The following CCDC88A variants were observed in gnomAD, a reference collection of about 807,000 sequenced individuals.
CCDC88A encodes the protein girdin.
Under a neutral mutation model 234.3 loss-of-function variants are expected in CCDC88A, and 54 were observed. The observed-to-expected ratio is 0.23, with a 90% CI of 0.19 to 0.29. The LOEUF (loss-of-function observed/expected upper bound fraction) is 0.29, where lower values mean the gene tolerates loss of function less well. CCDC88A is among the 10% of genes least tolerant of loss of function. The pLI, the probability that CCDC88A is intolerant of heterozygous loss-of-function variation, is 1.00. For synonymous variants in CCDC88A, 753 were observed against 737.8 expected (o/e 1.02, Z -0.33); for missense variants, 1,832 against 2,123.4 (o/e 0.86, Z 2.70).
At chr2:55,336,883 C>A in intron 13 of CCDC88A, 65 bp from the exon 14 acceptor site, 2 of 1,013,264 alleles carry the variant, frequency 2.0e-6, no homozygotes, top group Non-Finnish European at 1.5e-6. Context: ...CATGTCAAAA[C>A]AAAACATAAT....
intron 3 of CCDC88A, among the ~76,000 whole-genome samples, chr2:55,387,176 C>CAA (rs869311337): frequency 0.064 from 4,472 of 69,676 alleles, 422 homozygotes; most frequent in African/African-American, 0.093. Flanking sequence ...GATTCCATCT[C>CAA]AAAAAAAAAA....
At chr2:55,392,710 T>G (rs1189140579) in intron 2 of CCDC88A, among the ~76,000 whole-genome samples, 1 of 152,254 alleles carries the variant, frequency 6.6e-6, no homozygotes, top group Admixed American at 6.5e-5. Context: ...TGTCTACTGG[T>G]GCTCTTGAAG....
intron 2 of CCDC88A, among the ~76,000 whole-genome samples, chr2:55,395,647 G>A (rs1677400927): frequency 6.6e-6 from 1 of 152,176 alleles, no homozygotes; most frequent in Non-Finnish European, 1.5e-5. Flanking sequence ...TCTATCGAAA[G>A]TTACGAGCTG....
intron 17 of CCDC88A, among the ~76,000 whole-genome samples, chr2:55,325,701 A>C (rs1207197528): frequency 2.0e-5 from 3 of 152,226 alleles, no homozygotes; most frequent in Non-Finnish European, 4.4e-5. Flanking sequence ...TTATTGAGAG[A>C]TGAGTATTGA....
chr2:55,408,879 C>T (rs1019335517), intron 2 of CCDC88A, among the ~76,000 whole-genome samples: 2 of 152,138 alleles, frequency 1.3e-5, no homozygotes, highest in Admixed American at 6.5e-5. Flanking sequence ...TAAGTTCCTC[C>T]TGATACTTGC....
chr2:55,339,991 T>G (rs1668276966), intron 12 of CCDC88A: 1 of 162,932 alleles, frequency 6.1e-6, no homozygotes, highest in African/African-American at 2.4e-5. Flanking sequence ...CCAGCTAATT[T>G]TTTTATTTTT....
chr2:55,327,851 G>C (rs1684457636), intron 17 of CCDC88A, among the ~76,000 whole-genome samples: 1 of 152,160 alleles, frequency 6.6e-6, no homozygotes, highest in Non-Finnish European at 1.5e-5. Flanking sequence ...ATCTAGAAAA[G>C]ACATCAAATT....
chr2:55,318,539 G>A lies in CCDC88A; in HGVS notation c.3324+304C>T, dbSNP rs78923213. Among the ~76,000 whole-genome samples, 450 of 152,154 alleles carry A rather than the reference G, an allele frequency of 3.0e-3. 3 individuals carry two copies. Among genetic ancestry groups the A allele is most frequent in the African/African-American group, 9.1e-3 (379 of 41,538 alleles). On this transcript the variant is annotated intron_variant, in intron 19 of 32. Transcript: ENST00000436346. Reference sequence around the variant, plus strand: ...AAAAAAAGCTATACAAATGAAATAAGGAATAGTATGCTGCAAGCATACTCT... The same window carrying A: ...AAAAAAAGCTATACAAATGAAATAAAGAATAGTATGCTGCAAGCATACTCT...
intron 3 of CCDC88A, among the ~76,000 whole-genome samples, chr2:55,377,039 G>A (rs924372827): frequency 6.6e-6 from 1 of 151,900 alleles, no homozygotes; most frequent in Non-Finnish European, 1.5e-5. Flanking sequence ...TCACCATCTT[G>A]GCCAGGCTGG....
Position 55,374,816 on chromosome 2 carries a change from GA to G in CCDC88A, c.340del (p.Ser114LeufsTer35). ...CACAGCTTAATTTTAATACTTACCAGAAAAGGGATTTTTGCCAATGATTAAG... is the reference window on the plus strand; with the variant it reads ...CACAGCTTAATTTTAATACTTACCAGAAAGGGATTTTTGCCAATGATTAAG... ...NVLIIGKNPF[S>X]EQGTEEVKKL... On this transcript the variant is annotated frameshift_variant, in exon 4 of 33. Coordinates refer to ENST00000436346, the MANE Select transcript of CCDC88A (RefSeq NM_001365480.1). LOFTEE classifies it high-confidence loss of function. 6.3e-7 allele frequency: 1 copy of G among 1,591,760 alleles called. No individual in the cohort carries two copies. Among genetic ancestry groups the G allele is most frequent in the Non-Finnish European group, 8.6e-7 (1 of 1,161,028 alleles).
intron 5 of CCDC88A, among the ~76,000 whole-genome samples, chr2:55,369,652 T>C (rs916878736): frequency 6.6e-6 from 1 of 151,962 alleles, no homozygotes; most frequent in Non-Finnish European, 1.5e-5. Context: ...GAGACAACGT[T>C]TTACCATGTA....
At chr2:55,395,642 C>G (rs1355007398) in intron 2 of CCDC88A, among the ~76,000 whole-genome samples, 1 of 152,158 alleles carries the variant, frequency 6.6e-6, no homozygotes, top group East Asian at 1.9e-4. Context: ...TGCTTTCTAT[C>G]GAAAGTTACG....
chr2:55,290,397 A>T lies in CCDC88A; in HGVS notation c.*803T>A, dbSNP rs1679367036. The T allele has an allele frequency of 6.6e-6, 1 of 152,118 alleles. No homozygotes were observed. Among genetic ancestry groups the T allele is most frequent in the African/African-American group, 2.4e-5 (1 of 41,466 alleles). 9.4% of individuals were successfully genotyped at this position (152,118 alleles called of 1,614,324 possible). A position where few individuals can be genotyped will look rare whatever the true frequency, so the allele number is the denominator to read the frequency against. On this transcript the variant is annotated 3_prime_UTR_variant, in exon 33 of 33. Transcript: ENST00000436346. ...CCAAAGAAAAGAAATGAGTTAAAGC[A>T]CAACAGCTTTATCTTGGGAATGCCA...
intron 2 of CCDC88A, among the ~76,000 whole-genome samples, chr2:55,402,934 AG>A (rs913450075): frequency 6.6e-5 from 10 of 151,938 alleles, no homozygotes; most frequent in African/African-American, 2.4e-4. Context: ...GCGTGAACCC[AG>A]GAGGCAGAGC....
At chr2:55,372,374 T>C in intron 5 of CCDC88A, 78 bp downstream of exon 5, 1 of 709,086 alleles carries the variant, frequency 1.4e-6, no homozygotes, top group Non-Finnish European at 2.4e-6. Context: ...CATCCTTAAG[T>C]CTTTCAGAAA....
chr2:55,335,091 C>T lies in CCDC88A; in HGVS notation c.1730G>A (p.Ser577Asn), dbSNP rs75714516. 53 of 1,604,998 alleles carry T rather than the reference C, an allele frequency of 3.3e-5. 1 individual carries two copies. Among genetic ancestry groups the T allele is most frequent in the Non-Finnish European group, 4.1e-5 (48 of 1,176,768 alleles). Residue 577 changes from serine to asparagine, a missense_variant, in exon 15 of 33, where the codon AGT becomes AAT. Around this residue, in one of 6 missense-constraint regions of CCDC88A, gnomAD observed 1,282 missense variants for 1,543.6 expected, o/e 0.83. Transcript: ENST00000436346. The surrounding 1 kb of genome is among the most constrained non-coding windows in gnomAD (Gnocchi z 4.5). ...VSSLRQRSQISAEARVKDIEK... is the reference protein window; with the variant it reads ...VSSLRQRSQINAEARVKDIEK... Reference sequence around the variant, plus strand: ...AATGTCTTTCACTCTTGCTTCTGCACTTATCTGGGACCGCTGCCTTAAGGA... The same window carrying T: ...AATGTCTTTCACTCTTGCTTCTGCATTTATCTGGGACCGCTGCCTTAAGGA...
intron 2 of CCDC88A, chr2:55,405,799 C>T (rs1679450682): frequency 6.6e-6 from 1 of 152,186 alleles, no homozygotes; most frequent in South Asian, 2.1e-4. Flanking sequence ...AAACTGTCCT[C>T]CATGAAAATG....
intron 2 of CCDC88A, chr2:55,405,329 G>C (rs1250048891): frequency 1.3e-5 from 2 of 151,930 alleles, no homozygotes; most frequent in Non-Finnish European, 2.9e-5. Flanking sequence ...AGACATCAGG[G>C]CTCCCTAATT....
intron 6 of CCDC88A, among the ~76,000 whole-genome samples, chr2:55,363,253 T>C (rs1171259130): frequency 6.6e-6 from 1 of 151,916 alleles, no homozygotes; most frequent in African/African-American, 2.4e-5. Flanking sequence ...AGATGTCCTA[T>C]GGAACACAAA....
Sources: gnomAD v4.1 joint callset for allele counts (sites outside exome capture counted in the v4.1 genomes callset) on GRCh38, gnomAD v4.1.1 for gene constraint, gnomAD v4.1.1 regional missense constraint, Gnocchi (gnomAD v3.1) non-coding constraint, MANE v1.5 for transcripts, NCBI Gene and HGNC (gene_info 2026-07-23, HGNC 2026-07-21) for gene names.